The following OR6C1 variants were observed in gnomAD, a reference collection of about 807,000 sequenced individuals.
OR6C1 encodes the protein olfactory receptor 6C1.
For synonymous variants in OR6C1, 157 were observed against 133.3 expected (o/e 1.18, Z -1.22); for missense variants, 386 against 366.1 (o/e 1.05, Z -0.44).
In OR6C1 at chr12:55,320,940, C is replaced by T. The variant is rs908150964; in HGVS notation, c.341C>T (p.Ala114Val). 6.2e-7 allele frequency: 1 copy of T among 1,613,750 alleles called. No homozygotes were observed. Among genetic ancestry groups the T allele is most frequent in the African/African-American group, 1.3e-5 (1 of 74,900 alleles). ...LLGVTEFYLL[A>V]AMSYDRYVAI... Reference sequence around the variant, plus strand: ...GGAGTCACAGAGTTTTACCTTCTGGCTGCCATGTCCTATGACCGCTATGTG... The same window carrying T: ...GGAGTCACAGAGTTTTACCTTCTGGTTGCCATGTCCTATGACCGCTATGTG... Residue 114 changes from alanine (A) to valine (V), a missense_variant, in exon 2 of 2, where the codon GCT (alanine) becomes GTT (valine). Physicochemically the swap from Ala to Val is moderately conservative, Grantham distance 64 (BLOSUM62 0). Coordinates refer to ENST00000642104, the MANE Select transcript of OR6C1 (RefSeq NM_001005182.2).
Position 55,321,389 on chromosome 12 carries a change from GAT to G in OR6C1, c.792_793del (p.Asp264GlufsTer37). ...TATGTACATTAAACCCTCAGCAAAA[GAT>G]AGAGTGTCCTTGAGCAAGGGAGTGG... is the stretch of plus-strand genomic sequence containing the variant. Reference protein sequence around the residue: ...IFMYIKPSAKDRVSLSKGVAI... With the variant: ...IFMYIKPSAKXRVSLSKGVAI... On this transcript the variant is annotated frameshift_variant, in exon 2 of 2. Coordinates refer to ENST00000642104, the MANE Select transcript of OR6C1 (RefSeq NM_001005182.2). LOFTEE classifies it low-confidence loss of function (END_TRUNC). 1.9e-6 allele frequency: 3 copies of G among 1,613,944 alleles called. No individual in the cohort carries two copies. Among genetic ancestry groups the G allele is most frequent in the Non-Finnish European group, 2.5e-6 (3 of 1,179,894 alleles).
chr12:55,321,202 T>A lies in OR6C1; in HGVS notation c.603T>A (p.Ala201=), dbSNP rs1214621631. 2.5e-6 allele frequency: 4 copies of A among 1,613,892 alleles called. No homozygotes were observed. The Admixed American group carries it at 5.0e-5, about 20-fold the overall frequency. ...TAGAGGTGATGGGATTTTCTTGTGC[T>A]GCGTTTACTCTAATGTTCACTTTGG... is the stretch of plus-strand genomic sequence containing the variant. ...KFLEVMGFSC[A]AFTLMFTLAL... Residue 201 remains alanine, a synonymous_variant, in exon 2 of 2, where the codon GCT becomes GCA. Transcript: ENST00000642104.
chr12:55,316,078 A>G (rs1261387599), intron 1 of OR6C1, among the ~76,000 whole-genome samples: 1 of 149,000 alleles, frequency 6.7e-6, no homozygotes, highest in Non-Finnish European at 1.5e-5. Flanking sequence ...GTAATTTAAT[A>G]CCTTATTAAA....
intron 1 of OR6C1, among the ~76,000 whole-genome samples, chr12:55,317,131 G>GTC (rs1868423192): frequency 6.6e-6 from 1 of 151,868 alleles, no homozygotes. Flanking sequence ...AAAAACTTGA[G>GTC]TCTCTCATGT....
At chr12:55,318,034 C>T (rs1868442467) in intron 1 of OR6C1, among the ~76,000 whole-genome samples, 1 of 149,846 alleles carries the variant, frequency 6.7e-6, no homozygotes, top group Non-Finnish European at 1.5e-5. Context: ...TATATACACA[C>T]ACATAAATAC....
chr12:55,316,130 C>CA (rs869291478), intron 1 of OR6C1, among the ~76,000 whole-genome samples: 11,116 of 107,618 alleles, frequency 0.1, 844 homozygotes, highest in African/African-American at 0.41. Context: ...CACACACACA[C>CA]CCCCCGAGAG....
At chr12:55,319,962 G>A (rs555903181) in intron 1 of OR6C1, among the ~76,000 whole-genome samples, 6 of 152,196 alleles carry the variant, frequency 3.9e-5, no homozygotes, top group South Asian at 4.2e-4. Flanking sequence ...CCAGCATGGC[G>A]AAACCCCATC....
At position 55,321,582 on chromosome 12, in the gene OR6C1, T is replaced by A. The variant is rs1287599518; in HGVS notation, c.*44T>A. ...ATTAGAGGCACAGGAAAGGACAATA[T>A]GAATTTTCAGTAGCTTCTTCAATCA... On this transcript the variant is annotated 3_prime_UTR_variant, in exon 2 of 2. Coordinates refer to ENST00000642104, the MANE Select transcript of OR6C1 (RefSeq NM_001005182.2). 2.9e-6 allele frequency: 4 copies of A among 1,363,244 alleles called. No homozygotes were observed. The highest frequency in any genetic ancestry group is 2.2e-5 in the Admixed American group (1 of 44,800). The allele number at this position is 1,363,244 out of a possible 1,614,324, so 84.4% of individuals were successfully genotyped here.
At chr12:55,320,173 T>C (rs1868503263) in intron 1 of OR6C1, among the ~76,000 whole-genome samples, 2 of 152,038 alleles carry the variant, frequency 1.3e-5, no homozygotes, top group South Asian at 4.1e-4. Context: ...CTTCTCCATA[T>C]TGAGAATCAT....
Position 55,321,113 on chromosome 12 carries a change from A to G in OR6C1, c.514A>G (p.Ile172Val). 6.2e-7 allele frequency: 1 copy of G among 1,613,126 alleles called. No individual in the cohort carries two copies. The change falls in exon 2 of 2, where the codon ATT (isoleucine) becomes GTT (valine). Residue 172 changes from isoleucine to valine, a missense_variant. By Grantham distance (29) the Ile-to-Val change is conservative. Transcript: ENST00000642104. ...GCTTCATTACTGTAGGTCTAATATT[A>G]TTGACCATTTTACCTGTGATTATTT... ...LKLHYCRSNIIDHFTCDYFPL... is the reference protein window; with the variant it reads ...LKLHYCRSNIVDHFTCDYFPL...
In OR6C1 at chr12:55,321,507, C is replaced by T. The variant is rs1211843511; in HGVS notation, c.908C>T (p.Ala303Val). The T allele has an allele frequency of 6.2e-7, 1 of 1,612,258 alleles. No homozygotes were observed. The highest frequency in any genetic ancestry group is 8.5e-7 in the Non-Finnish European group (1 of 1,179,182). Residue 303 changes from alanine (A) to valine (V), a missense_variant, in exon 2 of 2, where the codon GCA (alanine) becomes GTA (valine). Physicochemically the swap from Ala to Val is moderately conservative, Grantham distance 64 (BLOSUM62 0). Coordinates refer to ENST00000642104, the MANE Select transcript of OR6C1 (RefSeq NM_001005182.2). ...QQVKQAFINMARKTVFFTST is the reference protein window; with the variant it reads ...QQVKQAFINMVRKTVFFTST ...GTCAAGCAAGCTTTCATTAACATGG[C>T]AAGGAAGACTGTATTTTTCACAAGC...
Position 55,321,615 on chromosome 12 carries a change from C to T in OR6C1, c.*77C>T. On this transcript the variant is annotated 3_prime_UTR_variant, in exon 2 of 2. Transcript: ENST00000642104. ...CAGTAGCTTCTTCAATCAAAATGGC[C>T]TCCTTGCAGTCTTCTGCATCATTTT... 1 of 900,674 alleles carries T rather than the reference C, an allele frequency of 1.1e-6. No homozygotes were observed. Among genetic ancestry groups the T allele is most frequent in the Non-Finnish European group, 1.7e-6 (1 of 592,662 alleles). 55.8% of individuals were successfully genotyped at this position (900,674 alleles called of 1,614,324 possible).
Position 55,321,541 on chromosome 12 carries a change from T to C in OR6C1, c.*3T>C. The C allele has an allele frequency of 1.3e-6, 2 of 1,590,428 alleles. No individual in the cohort carries two copies. The highest frequency in any genetic ancestry group is 8.6e-7 in the Non-Finnish European group (1 of 1,166,484). On this transcript the variant is annotated 3_prime_UTR_variant, in exon 2 of 2. Transcript: ENST00000642104. ...CTGTATTTTTCACAAGCACATGAAA[T>C]GGTATGGTGTGATGAATTAGAGGCA...
At chr12:55,318,559 A>G (rs7305264) in intron 1 of OR6C1, among the ~76,000 whole-genome samples, 6,003 of 150,562 alleles carry the variant, frequency 0.04, 410 homozygotes, top group African/African-American at 0.14. Flanking sequence ...AAAGCCTCAT[A>G]CAGCTTTCGC....
In OR6C1 at chr12:55,321,094, T is replaced by A. The variant is rs373096179; in HGVS notation, c.495T>A (p.His165Gln). ...CACTCATGTTGCTTTTAAAGCTTCA[T>A]TACTGTAGGTCTAATATTATTGACC... ...FPALMLLLKL[H>Q]YCRSNIIDHF... The change falls in exon 2 of 2, where the codon CAT (histidine) becomes CAA (glutamine). Residue 165 changes from histidine to glutamine, a missense_variant. Coordinates refer to ENST00000642104, the MANE Select transcript of OR6C1 (RefSeq NM_001005182.2). 11 of 1,613,550 alleles carry A rather than the reference T, an allele frequency of 6.8e-6. No homozygotes were observed. The highest frequency in any genetic ancestry group is 9.3e-6 in the Non-Finnish European group (11 of 1,179,538).
chr12:55,315,281 G>A (rs978966849), intron 1 of OR6C1, among the ~76,000 whole-genome samples: 9 of 151,504 alleles, frequency 5.9e-5, no homozygotes, highest in African/African-American at 1.9e-4. Context: ...TCTCTCTAAC[G>A]TTAAAGCCTA....
rs1391242208 is a variant in OR6C1 at position 55,314,880 on chromosome 12, T to C, written c.-34+281T>C. ...GCTAAGTCGTCTGAATTATACTTAATGTTTGCCTAGCTATATGAATTAAGT... is the reference window on the plus strand; with the variant it reads ...GCTAAGTCGTCTGAATTATACTTAACGTTTGCCTAGCTATATGAATTAAGT... On this transcript the variant is annotated intron_variant, in intron 1 of 1. Coordinates refer to ENST00000642104, the MANE Select transcript of OR6C1 (RefSeq NM_001005182.2). Among the ~76,000 whole-genome samples the C allele has an allele frequency of 4.0e-5, 6 of 151,680 alleles. No individual in the cohort carries two copies. The East Asian group carries it at 1.2e-3, about 29-fold the overall frequency.
At chr12:55,314,900 T>C (rs947178337) in intron 1 of OR6C1, among the ~76,000 whole-genome samples, 1 of 151,610 alleles carries the variant, frequency 6.6e-6, no homozygotes, top group African/African-American at 2.4e-5. Context: ...GCTATATGAA[T>C]TAAGTTATAT....
Position 55,320,887 on chromosome 12 carries a change from A to G in OR6C1, c.288A>G (p.Ile96Met), listed in dbSNP as rs200458977. Residue 96 changes from isoleucine to methionine, a missense_variant, in exon 2 of 2, where the codon ATA (isoleucine) becomes ATG (methionine). By Grantham distance (10) the Ile-to-Met change is conservative. Transcript: ENST00000642104. Reference protein sequence around the residue: ...GDKTISFNNCIVQLFFFILLG... With the variant: ...GDKTISFNNCMVQLFFFILLG... Reference sequence around the variant, plus strand: ...AAACCATTTCCTTTAATAATTGCATAGTTCAGTTATTTTTCTTCATTCTCT... The same window carrying G: ...AAACCATTTCCTTTAATAATTGCATGGTTCAGTTATTTTTCTTCATTCTCT... 96 of 1,613,790 alleles carry G rather than the reference A, an allele frequency of 5.9e-5. No individual in the cohort carries two copies. Among genetic ancestry groups the G allele is most frequent in the Non-Finnish European group, 7.8e-5 (92 of 1,179,760 alleles).
Sources: gnomAD v4.1 joint callset for allele counts (sites outside exome capture counted in the v4.1 genomes callset) on GRCh38, gnomAD v4.1.1 for gene constraint, MANE v1.5 for transcripts, NCBI Gene and HGNC (gene_info 2026-07-23, HGNC 2026-07-21) for gene names.